Variants in ZCCHC7 observed in about 807,000 individuals in gnomAD.
ZCCHC7 encodes zinc finger CCHC domain-containing protein 7.
A neutral mutation model predicts 52.0 loss-of-function variants in ZCCHC7; 35 were observed. The ratio of observed to expected loss-of-function variants is 0.67; its 90% CI spans 0.51 to 0.89. The LOEUF (loss-of-function observed/expected upper bound fraction) is 0.89, where lower values mean the gene tolerates loss of function less well. Ranked by LOEUF, ZCCHC7 falls within the 40% of genes least tolerant of loss-of-function variation. The probability of loss-of-function intolerance (pLI) is 0.00; values close to 1 mark genes in which losing one functional copy is unlikely to be tolerated. For missense variants in ZCCHC7, 574 were observed against 649.1 expected (o/e 0.88, Z 1.26); for synonymous variants, 217 against 221.5 (o/e 0.98, Z 0.18).
chr9:37,155,194 A>G (rs927343255), intron 2 of ZCCHC7, among the ~76,000 whole-genome samples: 4 of 152,078 alleles, frequency 2.6e-5, no homozygotes, highest in African/African-American at 9.7e-5. Context: ...CCCTGTCTCT[A>G]CTAAAAATAC....
chr9:37,314,383 G>T (rs1829722174), intron 5 of ZCCHC7, among the ~76,000 whole-genome samples: 1 of 152,128 alleles, frequency 6.6e-6, no homozygotes, highest in Admixed American at 6.5e-5. Flanking sequence ...AAAGCAGAAG[G>T]CCACTAAGAA....
intron 6 of ZCCHC7, among the ~76,000 whole-genome samples, chr9:37,338,748 C>T (rs1185562023): frequency 1.3e-5 from 2 of 152,068 alleles, no homozygotes; most frequent in Non-Finnish European, 2.9e-5. Context: ...CATGTTTTCA[C>T]GACCTCGACT....
At chr9:37,269,632 A>C (rs1479278958) in intron 2 of ZCCHC7, among the ~76,000 whole-genome samples, 8 of 149,680 alleles carry the variant, frequency 5.3e-5, no homozygotes, top group South Asian at 2.1e-4. Context: ...AAAAAAAAAA[A>C]AAAAAAAAAA....
intron 5 of ZCCHC7, among the ~76,000 whole-genome samples, chr9:37,312,211 C>T (rs1829632026): frequency 6.6e-6 from 1 of 152,170 alleles, no homozygotes; most frequent in African/African-American, 2.4e-5. Flanking sequence ...GCTTAATTCA[C>T]ATATTTTGTG....
chr9:37,155,777 ATATCT>A (rs1486507612), intron 2 of ZCCHC7, among the ~76,000 whole-genome samples: 1 of 152,256 alleles, frequency 6.6e-6, no homozygotes. Context: ...AGTAGTACAG[ATATCT>A]TAGCAGCCGG....
At chr9:37,289,868 A>G (rs187866278) in intron 2 of ZCCHC7, among the ~76,000 whole-genome samples, 1 of 152,296 alleles carries the variant, frequency 6.6e-6, no homozygotes, top group East Asian at 1.9e-4. Context: ...TTGCCTTAAG[A>G]ACTTTGCTTT....
At chr9:37,339,143 C>G (rs942512949) in intron 6 of ZCCHC7, among the ~76,000 whole-genome samples, 3 of 152,090 alleles carry the variant, frequency 2.0e-5, no homozygotes, top group Non-Finnish European at 4.4e-5. Flanking sequence ...CACTAGAATA[C>G]AGGGGAATTC....
At chr9:37,176,607 A>G (rs1822044969) in intron 2 of ZCCHC7, among the ~76,000 whole-genome samples, 2 of 151,822 alleles carry the variant, frequency 1.3e-5, no homozygotes, top group Admixed American at 6.6e-5. Context: ...AGCATACATC[A>G]TATATTAAAA....
chr9:37,189,075 G>A (rs1173924762), intron 2 of ZCCHC7, among the ~76,000 whole-genome samples: 1 of 143,932 alleles, frequency 6.9e-6, no homozygotes, highest in Non-Finnish European at 1.5e-5. Context: ...TTTCATTTTG[G>A]TTATTATATT....
chr9:37,198,101 G>A (rs1823384993), intron 2 of ZCCHC7, among the ~76,000 whole-genome samples: 1 of 152,162 alleles, frequency 6.6e-6, no homozygotes, highest in Non-Finnish European at 1.5e-5. Context: ...TAAATAACCT[G>A]TTTTCCAACC....
chr9:37,224,162 G>A lies in ZCCHC7; in HGVS notation c.611-78026G>A, dbSNP rs145415640. Among the ~76,000 whole-genome samples, 694 of 152,028 alleles carry A rather than the reference G, an allele frequency of 4.6e-3. 4 individuals carry two copies. Among genetic ancestry groups the A allele is most frequent in the Middle Eastern group, 0.027 (8 of 294 alleles). ...AAAACTTTTTATAATTGATTATACC[G>A]CTTGCGAGAGTTTGAGATACTCTTA... is the stretch of plus-strand genomic sequence containing the variant. On this transcript the variant is annotated intron_variant, in intron 2 of 8. Transcript: ENST00000336755.
intron 2 of ZCCHC7, among the ~76,000 whole-genome samples, chr9:37,273,080 T>A (rs1827504221): frequency 6.6e-6 from 1 of 152,254 alleles, no homozygotes; most frequent in African/African-American, 2.4e-5. Flanking sequence ...ATAAAACTTT[T>A]AAACAGTTAT....
intron 2 of ZCCHC7, among the ~76,000 whole-genome samples, chr9:37,199,327 CTTT>C (rs57881366): frequency 3.1e-5 from 4 of 129,656 alleles, no homozygotes; most frequent in African/African-American, 5.8e-5. Flanking sequence ...TTTCTTTCTT[CTTT>C]TTTTTTTTTT....
intron 2 of ZCCHC7, among the ~76,000 whole-genome samples, chr9:37,222,061 G>A (rs1184304919): frequency 6.6e-6 from 1 of 152,110 alleles, no homozygotes; most frequent in Non-Finnish European, 1.5e-5. Context: ...GAGTTGATCA[G>A]ATGGAAGAGC....
intron 2 of ZCCHC7, among the ~76,000 whole-genome samples, chr9:37,232,970 A>G: frequency 6.6e-6 from 1 of 151,864 alleles, no homozygotes; most frequent in Non-Finnish European, 1.5e-5. Flanking sequence ...ATTAATTCAC[A>G]TGAGACAGTA....
intron 2 of ZCCHC7, among the ~76,000 whole-genome samples, chr9:37,239,882 C>A (rs1359432868): frequency 1.3e-5 from 2 of 151,986 alleles, no homozygotes; most frequent in East Asian, 3.8e-4. Context: ...AAGACTTTTT[C>A]TTTTTGCTGT....
intron 2 of ZCCHC7, among the ~76,000 whole-genome samples, chr9:37,272,491 T>TAA (rs551495038): frequency 6.6e-4 from 65 of 97,810 alleles, no homozygotes; most frequent in Middle Eastern, 0.01. Flanking sequence ...AGCTGTGTGG[T>TAA]AAAAAAAAAA....
intron 2 of ZCCHC7, among the ~76,000 whole-genome samples, chr9:37,281,861 T>C (rs1029258608): frequency 1.3e-5 from 2 of 152,228 alleles, no homozygotes; most frequent in African/African-American, 4.8e-5. Flanking sequence ...AGCTGAATTA[T>C]GACCTCCTTT....
At chr9:37,179,189 GATTT>G (rs1371411295) in intron 2 of ZCCHC7, among the ~76,000 whole-genome samples, 64 of 152,038 alleles carry the variant, frequency 4.2e-4, no homozygotes, top group African/African-American at 3.9e-4. Flanking sequence ...ACTTTAAAAT[GATTT>G]ATTTATTTAT....
Sources: allele counts gnomAD v4.1 joint callset (sites outside exome capture counted in the v4.1 genomes callset), GRCh38; gene constraint gnomAD v4.1.1; transcripts MANE v1.5; gene names NCBI Gene and HGNC (gene_info 2026-07-23, HGNC 2026-07-21).